The following HHLA2 variants were observed in gnomAD, a reference collection of about 807,000 sequenced individuals.
The protein encoded by HHLA2 is HERV-H LTR-associating protein 2.
A neutral mutation model predicts 45.9 loss-of-function variants in HHLA2; 48 were observed. That is an observed-to-expected ratio of 1.05 (90% CI 0.83 to 1.33). HHLA2 has a LOEUF of 1.33. Ranked by LOEUF, HHLA2 falls within the 40% of genes most tolerant of loss-of-function variation. The pLI is 0.00. For missense variants in HHLA2, 462 were observed against 494.3 expected, an observed-to-expected ratio of 0.93 and a Z score of 0.62; for synonymous variants, 161 against 173.9, an observed-to-expected ratio of 0.93 and a Z score of 0.59.
intron 2 of HHLA2, chr3:108,325,969 A>G (rs1576121168): frequency 5.5e-6 from 2 of 363,132 alleles, no homozygotes; most frequent in East Asian, 1.5e-4. Flanking sequence ...TCTGAATGAC[A>G]GTATTATCCA....
intron 1 of HHLA2, among the ~76,000 whole-genome samples, chr3:108,301,094 A>G (rs2080840875): frequency 1.3e-5 from 2 of 152,158 alleles, no homozygotes; most frequent in African/African-American, 2.4e-5. Context: ...CTGATCTTGG[A>G]GTTAGTCTCC....
chr3:108,335,688 C>G (rs1440501261), intron 3 of HHLA2, among the ~76,000 whole-genome samples: 1 of 152,110 alleles, frequency 6.6e-6, no homozygotes, highest in South Asian at 2.1e-4. Context: ...GTTGAGCAAG[C>G]ATGAAAAGGA....
At chr3:108,333,944 A>G (rs902429927) in intron 3 of HHLA2, among the ~76,000 whole-genome samples, 5 of 152,128 alleles carry the variant, frequency 3.3e-5, no homozygotes, top group African/African-American at 9.7e-5. Flanking sequence ...TGACCCACCT[A>G]TCTCTCATTC....
At chr3:108,328,237 TG>T in intron 2 of HHLA2, 2 of 1,086,534 alleles carry the variant, frequency 1.8e-6, no homozygotes, top group Non-Finnish European at 2.5e-6. Flanking sequence ...ATTGATACTC[TG>T]GAATCACCTT....
chr3:108,352,136 G>A (rs1340768725), intron 4 of HHLA2, among the ~76,000 whole-genome samples: 1 of 82,482 alleles, frequency 1.2e-5, no homozygotes, highest in Non-Finnish European at 2.6e-5. Context: ...AGGCAAGTTT[G>A]ATTGATTGAT....
rs1034860508 is a variant in HHLA2, at chr3:108,342,079, C to T, written c.-26-9709C>T. Among the ~76,000 whole-genome samples, 7 of 152,104 alleles carry T rather than the reference C, an allele frequency of 4.6e-5. 1 individual carries two copies. Among genetic ancestry groups the T allele is most frequent in the Non-Finnish European group, 7.4e-5 (5 of 68,010 alleles). ...GTCAGTTCTTTTCAATAGAGGCAGT[C>T]GCGTCCTGCAACACAGCTTGACAGA... On this transcript the variant is annotated intron_variant, in intron 3 of 10. Transcript: ENST00000619531.
intron 3 of HHLA2, among the ~76,000 whole-genome samples, chr3:108,351,427 A>G (rs2081775987): frequency 6.6e-6 from 1 of 152,232 alleles, no homozygotes; most frequent in Non-Finnish European, 1.5e-5. Flanking sequence ...TTGCAGATAT[A>G]CTAAATCTTT....
intron 3 of HHLA2, among the ~76,000 whole-genome samples, chr3:108,346,835 T>G (rs1320553551): frequency 1.3e-5 from 2 of 152,358 alleles, no homozygotes; most frequent in East Asian, 3.9e-4. Context: ...CTGTGGTCAA[T>G]TTAGTCTGGA....
chr3:108,302,347 C>T (rs2080863656), intron 1 of HHLA2: 1 of 152,070 alleles, frequency 6.6e-6, no homozygotes, highest in South Asian at 2.1e-4. Context: ...AACCTCCTAC[C>T]CCTTATTCTC....
chr3:108,343,116 G>A (rs1003136341), intron 3 of HHLA2, among the ~76,000 whole-genome samples: 1 of 152,092 alleles, frequency 6.6e-6, no homozygotes, highest in African/African-American at 2.4e-5. Context: ...GACAGTGTGG[G>A]GTACCATACA....
At chr3:108,344,770 C>A (rs577307648) in intron 3 of HHLA2, among the ~76,000 whole-genome samples, 1 of 152,272 alleles carries the variant, frequency 6.6e-6, no homozygotes, top group South Asian at 2.1e-4. Context: ...TTAACCCTGG[C>A]AATTTCTTTT....
At chr3:108,376,189 G>C (rs1576192250) in intron 9 of HHLA2, among the ~76,000 whole-genome samples, 1 of 152,124 alleles carries the variant, frequency 6.6e-6, no homozygotes, top group Non-Finnish European at 1.5e-5. Flanking sequence ...CTTTGGCTAT[G>C]ACATTTCCAT....
chr3:108,325,628 C>T (rs994443133), intron 2 of HHLA2: 9 of 241,164 alleles, frequency 3.7e-5, no homozygotes, highest in South Asian at 6.1e-5. Context: ...TCCCTCCCTT[C>T]GTAGGCCCAA....
intron 8 of HHLA2, among the ~76,000 whole-genome samples, chr3:108,370,768 GT>G (rs1379987769): frequency 6.6e-6 from 1 of 152,122 alleles, no homozygotes; most frequent in Admixed American, 6.5e-5. Flanking sequence ...GAGAAGAGAA[GT>G]TTAGAGAAAA....
intron 7 of HHLA2, among the ~76,000 whole-genome samples, chr3:108,361,632 T>C (rs1313091374): frequency 6.6e-6 from 1 of 152,136 alleles, no homozygotes; most frequent in Non-Finnish European, 1.5e-5. Flanking sequence ...ACTGTGAAGA[T>C]GGAAAAAGAA....
intron 8 of HHLA2, among the ~76,000 whole-genome samples, chr3:108,363,427 C>G (rs1346029753): frequency 1.3e-5 from 2 of 152,140 alleles, no homozygotes; most frequent in African/African-American, 2.4e-5. Context: ...TGAGATAGAT[C>G]CTATGTCTCT....
At chr3:108,319,123 T>C (rs1186222938) in intron 2 of HHLA2, among the ~76,000 whole-genome samples, 1 of 152,116 alleles carries the variant, frequency 6.6e-6, no homozygotes, top group African/African-American at 2.4e-5. Context: ...CTTAGGAACA[T>C]GCCTTGATGA....
chr3:108,304,797 A>T (rs1360181966), intron 1 of HHLA2, among the ~76,000 whole-genome samples: 1 of 152,136 alleles, frequency 6.6e-6, no homozygotes, highest in Non-Finnish European at 1.5e-5. Flanking sequence ...GTACTTGTCC[A>T]TGTTGCTAGT....
chr3:108,368,577 G>A (rs1239668131), intron 8 of HHLA2, among the ~76,000 whole-genome samples: 21 of 117,346 alleles, frequency 1.8e-4, no homozygotes, highest in Non-Finnish European at 3.4e-4. Flanking sequence ...AAAAGCAGGG[G>A]TTGCAATTCT....
Sources: allele counts gnomAD v4.1 joint callset (sites outside exome capture counted in the v4.1 genomes callset), GRCh38; gene constraint gnomAD v4.1.1; transcripts MANE v1.5; gene names NCBI Gene and HGNC (gene_info 2026-07-23, HGNC 2026-07-21).